The following RTEL1 variants were observed in gnomAD, a reference collection of about 807,000 sequenced individuals.
RTEL1 encodes the protein regulator of telomere elongation helicase 1, also known as regulator of telomere length.
Under a neutral mutation model 162.2 loss-of-function variants are expected in RTEL1, and 86 were observed. That is an observed-to-expected ratio of 0.53 (90% CI 0.45 to 0.63). The LOEUF (loss-of-function observed/expected upper bound fraction) is 0.63. Among genes scored for constraint, RTEL1 ranks in the 30% least tolerant of loss-of-function variants. The pLI, the probability that RTEL1 is intolerant of heterozygous loss-of-function variation, is 0.00. For missense variants in RTEL1, 1,941 were observed against 1,750.2 expected (o/e 1.11, Z -1.95); for synonymous variants, 958 against 717.9 (o/e 1.33, Z -5.35).
At chr20:63,693,344 T>C in intron 30 of RTEL1, 61 bp downstream of exon 30, 1 of 1,593,598 alleles carries the variant, frequency 6.3e-7, no homozygotes, top group Non-Finnish European at 8.6e-7. Flanking sequence ...TGGGCCAGAG[T>C]CCTGGGCTGC....
intron 6 of RTEL1, 78 bp from the exon 7 acceptor site, chr20:63,665,926 C>T: frequency 7.2e-7 from 1 of 1,382,056 alleles, no homozygotes; most frequent in Non-Finnish European, 1.0e-6. Flanking sequence ...AGGAGCCGTT[C>T]TGTCCTGGGC....
At chr20:63,693,587 C>T (rs1044087855) in intron 30 of RTEL1, among the ~76,000 whole-genome samples, 4 of 142,208 alleles carry the variant, frequency 2.8e-5, no homozygotes, top group Non-Finnish European at 6.2e-5. Context: ...CCACCACCAC[C>T]ACCTCCACCT....
In RTEL1 at chr20:63,668,502, C is replaced by T. The variant is rs569575272; in HGVS notation, c.699+949C>T. Among the ~76,000 whole-genome samples the T allele has an allele frequency of 5.3e-5, 8 of 152,122 alleles. No homozygotes were observed. Among genetic ancestry groups the T allele is most frequent in the Admixed American group, 2.6e-4 (4 of 15,278 alleles). On this transcript the variant is annotated intron_variant, in intron 8 of 34. Transcript: ENST00000360203. This position sits in a 1 kb window ranked among gnomAD's most constrained non-coding sequence, Gnocchi z 4.3. ...TAGAGCAGAGGGAGGAGGCGGAGACCGAGCCAAGCGGGCCCAAGTGCGATG... is the reference window on the plus strand; with the variant it reads ...TAGAGCAGAGGGAGGAGGCGGAGACTGAGCCAAGCGGGCCCAAGTGCGATG...
rs2146153953 is a variant in RTEL1, at chr20:63,662,587, TC to T, written c.439del (p.His147IlefsTer4). 1 of 1,614,048 alleles carries T rather than the reference TC, an allele frequency of 6.2e-7. No homozygotes were observed. The highest frequency in any genetic ancestry group is 8.5e-7 in the Non-Finnish European group (1 of 1,180,030). On this transcript the variant is annotated frameshift_variant, in exon 5 of 35. Transcript: ENST00000360203. LOFTEE classifies it high-confidence loss of function. ...CVLGSREQLC[I>X]HPEVKKQESN... ...CTGGGCTCCCGGGAGCAGCTGTGCA[TC>T]CATCCTGAGGTGAAGAAACAAGAGA...
rs753929310 is a variant in RTEL1 at position 63,688,320 on chromosome 20, GCCCT to G, written c.1657_1660del (p.Pro553MetfsTer4). Reference sequence around the variant, plus strand: ...TTCCAGGCAACATCGCCCGCGTGGTGCCCTATGGGCTCCTGATCTTCTTCCCTTC... The same window carrying G: ...TTCCAGGCAACATCGCCCGCGTGGTGATGGGCTCCTGATCTTCTTCCCTTC... On this transcript the variant is annotated frameshift_variant, in exon 20 of 35. Coordinates refer to ENST00000360203, the MANE Select transcript of RTEL1 (RefSeq NM_001283009.2). LOFTEE classifies it high-confidence loss of function. The G allele has an allele frequency of 1.9e-6, 3 of 1,612,410 alleles. No individual in the cohort carries two copies.
intron 21 of RTEL1, 102 bp from the exon 22 acceptor site, chr20:63,688,953 G>A: frequency 9.3e-7 from 1 of 1,078,032 alleles, no homozygotes; most frequent in South Asian, 1.3e-5. Flanking sequence ...TTCCTGGCTA[G>A]GACGATCCTT....
intron 29 of RTEL1, 45 bp from the exon 30 acceptor site, chr20:63,693,098 T>C (rs1446937097): frequency 5.0e-6 from 8 of 1,611,884 alleles, no homozygotes; most frequent in East Asian, 2.2e-5. Context: ...CTCTGTTCTC[T>C]AGAGAAAAAG....
intron 17 of RTEL1, 62 bp downstream of exon 17, chr20:63,687,832 A>C: frequency 6.4e-7 from 1 of 1,557,018 alleles, no homozygotes; most frequent in Non-Finnish European, 8.7e-7. Flanking sequence ...GCGGGGTGGA[A>C]GTGGTGGGGG....
In RTEL1 at chr20:63,668,815, G is replaced by C. The variant is rs1461573805; in HGVS notation, c.699+1262G>C. ...CTAACACTTTCACGGAAACGCAGAA[G>C]ATCTAAAACAGCAAGATGACCGTGA... On this transcript the variant is annotated intron_variant, in intron 8 of 34. Transcript: ENST00000360203. This position sits in a 1 kb window ranked among gnomAD's most constrained non-coding sequence, Gnocchi z 4.3. Among the ~76,000 whole-genome samples the C allele has an allele frequency of 6.6e-6, 1 of 152,208 alleles. No homozygotes were observed. Among genetic ancestry groups the C allele is most frequent in the Admixed American group, 6.5e-5 (1 of 15,278 alleles).
chr20:63,662,194 G>T (rs2090033909), intron 4 of RTEL1, among the ~76,000 whole-genome samples: 2 of 152,318 alleles, frequency 1.3e-5, no homozygotes, highest in East Asian at 1.9e-4. Flanking sequence ...CTCCTCGCAG[G>T]TGCTGTTGTA....
upstream of RTEL1, chr20:63,658,039 C>G (rs910797687): frequency 6.6e-6 from 1 of 152,324 alleles, no homozygotes; most frequent in African/African-American, 2.4e-5. Flanking sequence ...GGAGGAGGCC[C>G]GTGCAGCTCT....
intron 10 of RTEL1, among the ~76,000 whole-genome samples, chr20:63,677,133 A>G (rs6011026): frequency 0.55 from 83,210 of 151,962 alleles, 24,693 homozygotes; most frequent in African/African-American, 0.77. Context: ...TTTCACACTC[A>G]TGTCCTGCTC....
chr20:63,694,561 G>A (rs1162350899), intron 31 of RTEL1, 73 bp downstream of exon 31: 22 of 1,356,302 alleles, frequency 1.6e-5, no homozygotes, highest in Non-Finnish European at 2.3e-5. Context: ...GCTAACTCTT[G>A]AGTGTGGCCG....
chr20:63,664,155 C>T (rs1435598959), intron 6 of RTEL1, among the ~76,000 whole-genome samples: 4 of 152,204 alleles, frequency 2.6e-5, no homozygotes, highest in Non-Finnish European at 5.9e-5. Context: ...GGTTCCCTGA[C>T]AGGAGCTGCC....
At chr20:63,662,070 T>C in intron 4 of RTEL1, 127 bp downstream of exon 4, 3 of 770,868 alleles carry the variant, frequency 3.9e-6, no homozygotes, top group Non-Finnish European at 6.5e-6. Flanking sequence ...TCCCCCGAAG[T>C]GTGCAGAGCG....
At position 63,695,410 on chromosome 20, in the gene RTEL1, G is replaced by A. The variant is rs1601199790; in HGVS notation, c.3582G>A (p.Gly1194=). 3 of 1,560,530 alleles carry A rather than the reference G, an allele frequency of 1.9e-6. No individual in the cohort carries two copies. The highest frequency in any genetic ancestry group is 2.4e-5 in the South Asian group (2 of 82,116). Residue 1194 remains glycine (G), a synonymous_variant, in exon 34 of 35, where the codon GGG becomes GGA. Transcript: ENST00000360203. The part of the protein sequence containing the change: ...FLRQRPAGTV[G]AGGEDAGPSQ... ...GACAGAGGCCAGCAGGGACTGTGGG[G>A]GCGGGCGGTGAGGATGCAGGTCCCA...
At position 63,694,638 on chromosome 20, in the gene RTEL1, C is replaced by T. The variant is rs550846973; in HGVS notation, c.3110-103C>T. On this transcript the variant is annotated intron_variant, in intron 31 of 34. Transcript: ENST00000360203. ...CCCGGTTCTGCACCCCGCAGTTGTC[C>T]TGAGCAGCTCTCCAGGAGTTCCTGG... is the stretch of plus-strand genomic sequence containing the variant. 14 of 1,259,472 alleles carry T rather than the reference C, an allele frequency of 1.1e-5. No homozygotes were observed. The South Asian group carries it at 1.7e-4, about 15-fold the overall frequency. 78.0% of individuals were successfully genotyped at this position (1,259,472 alleles called of 1,614,324 possible).
At chr20:63,667,074 T>C (rs112859256) in intron 7 of RTEL1, among the ~76,000 whole-genome samples, 13,425 of 148,014 alleles carry the variant, frequency 0.091, 677 homozygotes, top group East Asian at 0.13. Context: ...CTTCTGACCT[T>C]GTGATCCGCC....
chr20:63,690,716 G>A lies in RTEL1; in HGVS notation c.2414-89G>A. On this transcript the variant is annotated intron_variant, in intron 26 of 34. Transcript: ENST00000360203. Reference sequence around the variant, plus strand: ...CCACAGGCAGGACCCCAAGTGCTGGGACTCTCCCCCAAGAGGGGCTTTGCC... The same window carrying A: ...CCACAGGCAGGACCCCAAGTGCTGGAACTCTCCCCCAAGAGGGGCTTTGCC... 2.1e-6 allele frequency: 3 copies of A among 1,429,390 alleles called. No homozygotes were observed. The South Asian group carries it at 4.2e-5, about 20-fold the overall frequency. The allele number at this position is 1,429,390 out of a possible 1,614,324, so 88.5% of individuals were successfully genotyped here.
Sources: allele counts gnomAD v4.1 joint callset (sites outside exome capture counted in the v4.1 genomes callset), GRCh38; gene constraint gnomAD v4.1.1; non-coding constraint Gnocchi (gnomAD v3.1); transcripts MANE v1.5; gene names NCBI Gene and HGNC (gene_info 2026-07-23, HGNC 2026-07-21).